ZC3H7B: variants seen among roughly 807,000 people sequenced by gnomAD.
The protein encoded by ZC3H7B is zinc finger CCCH-type containing 7B.
Under a neutral mutation model 116.0 loss-of-function variants are expected in ZC3H7B, and 35 were observed. That is an observed-to-expected ratio of 0.30 (90% CI 0.23 to 0.40). ZC3H7B has a LOEUF of 0.40. Among genes scored for constraint, ZC3H7B ranks in the 10% least tolerant of loss-of-function variants. The probability of loss-of-function intolerance (pLI) is 1.00; values close to 1 mark genes in which losing one functional copy is unlikely to be tolerated. For synonymous variants in ZC3H7B, 502 were observed against 545.6 expected, an observed-to-expected ratio of 0.92 and a Z score of 1.11; for missense variants, 1,011 against 1,321.5, an observed-to-expected ratio of 0.77 and a Z score of 3.64.
At position 41,327,725 on chromosome 22, in the gene ZC3H7B, C is replaced by T. The variant is rs923996209; in HGVS notation, c.444+361C>T. ...ATCACCTGAGGTCAGGAGTTTGAGA[C>T]CAGCCTGGCCAACATGGCAAAACCC... On this transcript the variant is annotated intron_variant, in intron 5 of 22. Coordinates refer to ENST00000352645, the MANE Select transcript of ZC3H7B (RefSeq NM_017590.6). The surrounding 1 kb of genome is among the most constrained non-coding windows in gnomAD (Gnocchi z 4.5). Among the ~76,000 whole-genome samples, 4 of 152,170 alleles carry T rather than the reference C, an allele frequency of 2.6e-5. No individual in the cohort carries two copies. Among genetic ancestry groups the T allele is most frequent in the African/African-American group, 7.2e-5 (3 of 41,430 alleles).
chr22:41,302,098 T>C lies in ZC3H7B; in HGVS notation c.-7+326T>C, dbSNP rs760420304. On this transcript the variant is annotated intron_variant, in intron 1 of 22. Transcript: ENST00000352645. The surrounding 1 kb of genome is among the most constrained non-coding windows in gnomAD (Gnocchi z 5.7). ...CCCCTGCAGCCCCCAGGAGGTGTCTTGAAATTTTCGTGGGGCCTCTCTCTT... is the reference window on the plus strand; with the variant it reads ...CCCCTGCAGCCCCCAGGAGGTGTCTCGAAATTTTCGTGGGGCCTCTCTCTT... Among the ~76,000 whole-genome samples, 21 of 151,874 alleles carry C rather than the reference T, an allele frequency of 1.4e-4. No homozygotes were observed. The highest frequency in any genetic ancestry group is 2.4e-4 in the Non-Finnish European group (16 of 67,946).
Position 41,342,597 on chromosome 22 carries a change from G to A in ZC3H7B, c.1266G>A (p.Lys422=). ...KNPLAATHEF[K]QACQLCYPKT... ...CCTTGGCTGCCACCCACGAGTTCAA[G>A]CAGGCCTGCCAGCTCTGCTACCCCA... The change falls in exon 12 of 23, where the codon AAG becomes AAA. Residue 422 remains lysine, a synonymous_variant. Coordinates refer to ENST00000352645, the MANE Select transcript of ZC3H7B (RefSeq NM_017590.6). 2 of 1,613,130 alleles carry A rather than the reference G, an allele frequency of 1.2e-6. No individual in the cohort carries two copies. The highest frequency in any genetic ancestry group is 1.7e-6 in the Non-Finnish European group (2 of 1,179,894).
Position 41,349,448 on chromosome 22 carries a change from C to A in ZC3H7B, c.1948+147C>A. 9.5e-7 allele frequency: 1 copy of A among 1,050,234 alleles called. No homozygotes were observed. The highest frequency in any genetic ancestry group is 1.4e-6 in the Non-Finnish European group (1 of 738,858). 65.1% of individuals were successfully genotyped at this position (1,050,234 alleles called of 1,614,324 possible). ...CTTCGGGAGAGTTCAGGAGAGGTGG[C>A]TGCGGGGTGGGCTCTCTGTGTGTCC... On this transcript the variant is annotated intron_variant, in intron 16 of 22. Coordinates refer to ENST00000352645, the MANE Select transcript of ZC3H7B (RefSeq NM_017590.6). This position sits in a 1 kb window ranked among gnomAD's most constrained non-coding sequence, Gnocchi z 4.9.
rs1472291498 is a variant in ZC3H7B at position 41,358,620 on chromosome 22, C to T, written c.*1191C>T. ...TCTTGGGGACCCAGTATGTCCTCTC[C>T]TCTAGACCCAGACATACAGTTATAA... On this transcript the variant is annotated 3_prime_UTR_variant, in exon 23 of 23. Coordinates refer to ENST00000352645, the MANE Select transcript of ZC3H7B (RefSeq NM_017590.6). 2 of 152,656 alleles carry T rather than the reference C, an allele frequency of 1.3e-5. No homozygotes were observed. Among genetic ancestry groups the T allele is most frequent in the African/African-American group, 4.8e-5 (2 of 41,410 alleles). 9.5% of individuals were successfully genotyped at this position (152,656 alleles called of 1,614,324 possible).
Position 41,338,912 on chromosome 22 carries a change from G to A in ZC3H7B, c.626-89G>A. 3 of 1,333,614 alleles carry A rather than the reference G, an allele frequency of 2.2e-6. No individual in the cohort carries two copies. Among genetic ancestry groups the A allele is most frequent in the South Asian group, 3.1e-5 (2 of 64,822 alleles). 82.6% of individuals were successfully genotyped at this position (1,333,614 alleles called of 1,614,324 possible). A position where few individuals can be genotyped will look rare whatever the true frequency, so the allele number is the denominator to read the frequency against. Reference sequence around the variant, plus strand: ...GCAAGAGCTGAAAGAAGAAGGGAAAGTGTTGGATGAGCATCACGGGGCCCG... The same window carrying A: ...GCAAGAGCTGAAAGAAGAAGGGAAAATGTTGGATGAGCATCACGGGGCCCG... On this transcript the variant is annotated intron_variant, in intron 8 of 22. Transcript: ENST00000352645. This position sits in a 1 kb window ranked among gnomAD's most constrained non-coding sequence, Gnocchi z 4.5.
At chr22:41,325,160 G>A (rs2036301879) in intron 2 of ZC3H7B, among the ~76,000 whole-genome samples, 1 of 152,116 alleles carries the variant, frequency 6.6e-6, no homozygotes, top group Non-Finnish European at 1.5e-5. Flanking sequence ...GTTTTTTTCA[G>A]CAGCAGGGAC....
At chr22:41,316,516 A>G (rs868138528) in intron 1 of ZC3H7B, among the ~76,000 whole-genome samples, 18 of 150,930 alleles carry the variant, frequency 1.2e-4, no homozygotes, top group Admixed American at 3.3e-4. Context: ...GGCTGGTCTC[A>G]AACTCCTGAC....
At chr22:41,356,943 G>T in intron 22 of ZC3H7B, 135 bp downstream of exon 22, 1 of 1,387,548 alleles carries the variant, frequency 7.2e-7, no homozygotes. Context: ...TGCAGCCATG[G>T]GGGTGGTGGG....
rs201152452 is a variant in ZC3H7B at position 41,327,311 on chromosome 22, C to T, written c.391C>T (p.Arg131Cys). The change falls in exon 5 of 23, where the codon CGC becomes TGC. Residue 131 changes from arginine (R) to cysteine (C), a missense_variant. Transcript: ENST00000352645. This position sits in a 1 kb window ranked among gnomAD's most constrained non-coding sequence, Gnocchi z 4.5. Reference sequence around the variant, plus strand: ...GGCACGCGCTCTCAATGAACTGGGACGCCACAAGGAGGCCTACGAGTGCAG... The same window carrying T: ...GGCACGCGCTCTCAATGAACTGGGATGCCACAAGGAGGCCTACGAGTGCAG... ...RKARALNELG[R>C]HKEAYECSSR... 1.1e-5 allele frequency: 17 copies of T among 1,613,694 alleles called. No homozygotes were observed. Among genetic ancestry groups the T allele is most frequent in the East Asian group, 4.5e-5 (2 of 44,892 alleles).
intron 1 of ZC3H7B, among the ~76,000 whole-genome samples, chr22:41,316,497 T>C (rs1054206091): frequency 6.6e-5 from 10 of 151,762 alleles, no homozygotes; most frequent in African/African-American, 2.4e-4. Flanking sequence ...GGTTTCACCA[T>C]GTTGGCTGGG....
chr22:41,309,955 C>T (rs1450932295), intron 1 of ZC3H7B, among the ~76,000 whole-genome samples: 1 of 151,998 alleles, frequency 6.6e-6, no homozygotes, highest in Non-Finnish European at 1.5e-5. Flanking sequence ...CCTATAATCC[C>T]AGCACTTTGG....
chr22:41,344,277 C>T (rs575003737), intron 13 of ZC3H7B, among the ~76,000 whole-genome samples: 4 of 152,308 alleles, frequency 2.6e-5, no homozygotes, highest in South Asian at 4.1e-4. Flanking sequence ...AGCAGTGGCC[C>T]GCCCAGGCCT....
intron 1 of ZC3H7B, among the ~76,000 whole-genome samples, chr22:41,308,456 A>G (rs1156828491): frequency 6.6e-6 from 1 of 151,964 alleles, no homozygotes; most frequent in Non-Finnish European, 1.5e-5. Flanking sequence ...TTTCTGTGAA[A>G]CGGCCGTACT....
Position 41,302,882 on chromosome 22 carries a change from C to T in ZC3H7B, c.-7+1110C>T, listed in dbSNP as rs1282060365. Among the ~76,000 whole-genome samples, 1 of 152,144 alleles carries T rather than the reference C, an allele frequency of 6.6e-6. No individual in the cohort carries two copies. Among genetic ancestry groups the T allele is most frequent in the Admixed American group, 6.6e-5 (1 of 15,262 alleles). ...TGGGCCTGAGTGGGGAGCTGGTGATCAGCGGTTTTATTTCTCGGGTTGCTA... is the reference window on the plus strand; with the variant it reads ...TGGGCCTGAGTGGGGAGCTGGTGATTAGCGGTTTTATTTCTCGGGTTGCTA... On this transcript the variant is annotated intron_variant, in intron 1 of 22. Transcript: ENST00000352645. This position sits in a 1 kb window ranked among gnomAD's most constrained non-coding sequence, Gnocchi z 5.7.
intron 6 of ZC3H7B, among the ~76,000 whole-genome samples, chr22:41,330,858 CTT>C (rs1162413000): frequency 0.026 from 3,395 of 128,526 alleles, 126 homozygotes; most frequent in African/African-American, 0.094. Context: ...AGGAGAATCA[CTT>C]TTTTTTTTTT....
intron 3 of ZC3H7B, 59 bp from the exon 4 acceptor site, chr22:41,325,662 C>T: frequency 6.2e-7 from 1 of 1,607,456 alleles, no homozygotes; most frequent in Non-Finnish European, 8.5e-7. Flanking sequence ...GAGGCGTGGG[C>T]CGGGTGCCAG....
chr22:41,343,500 G>C lies in ZC3H7B; in HGVS notation c.1383G>C (p.Ser461=), dbSNP rs369862714. Residue 461 remains serine, a synonymous_variant, in exon 13 of 23, where the codon TCG becomes TCC. Coordinates refer to ENST00000352645, the MANE Select transcript of ZC3H7B (RefSeq NM_017590.6). The part of the protein sequence containing the change: ...RDILLGRLRS[S]EDQTWKRIRP... The stretch of plus-strand genomic sequence containing the variant: ...TCCTGCTCGGCCGGCTCCGGAGCTC[G>C]GAGGACCAGACCTGGAAGCGGATCC... The C allele has an allele frequency of 6.2e-7, 1 of 1,613,774 alleles. No individual in the cohort carries two copies. The highest frequency in any genetic ancestry group is 8.5e-7 in the Non-Finnish European group (1 of 1,179,912).
Position 41,343,446 on chromosome 22 carries a change from G to C in ZC3H7B, c.1329G>C (p.Glu443Asp). 3 of 1,613,574 alleles carry C rather than the reference G, an allele frequency of 1.9e-6. No homozygotes were observed. The highest frequency in any genetic ancestry group is 2.5e-6 in the Non-Finnish European group (3 of 1,179,656). Residue 443 changes from glutamate (E) to aspartate (D), a missense_variant, in exon 13 of 23, where the codon GAG (glutamate) becomes GAC (aspartate). Physicochemically the swap from Glu to Asp is conservative, Grantham distance 45. Coordinates refer to ENST00000352645, the MANE Select transcript of ZC3H7B (RefSeq NM_017590.6). ...GPRAGDYTYREGLEHKCKRDI... is the reference protein window; with the variant it reads ...GPRAGDYTYRDGLEHKCKRDI... ...GGGCTGGCGACTACACCTACCGTGA[G>C]GGCCTTGAGCACAAGTGCAAGCGGG...
At chr22:41,321,326 C>T (rs1355659238) in intron 2 of ZC3H7B, among the ~76,000 whole-genome samples, 1 of 151,672 alleles carries the variant, frequency 6.6e-6, no homozygotes, top group Admixed American at 6.6e-5. Flanking sequence ...AGCGATTCTC[C>T]TGCCTCAGCC....
Sources: allele counts gnomAD v4.1 joint callset (sites outside exome capture counted in the v4.1 genomes callset), GRCh38; gene constraint gnomAD v4.1.1; non-coding constraint Gnocchi (gnomAD v3.1); transcripts MANE v1.5; gene names NCBI Gene and HGNC (gene_info 2026-07-23, HGNC 2026-07-21).